The following MTHFS variants were observed in gnomAD, a reference collection of about 807,000 sequenced individuals.
The protein encoded by MTHFS is 5-formyltetrahydrofolate cyclo-ligase.
MTHFS carries 7 observed loss-of-function variants against 12.7 expected under a neutral mutation model. That is an observed-to-expected ratio of 0.55 (90% CI 0.31 to 1.03). The LOEUF (loss-of-function observed/expected upper bound fraction) is 1.03. Among genes scored for constraint, MTHFS ranks in the 50% least tolerant of loss-of-function variants. The pLI is 0.05. For synonymous variants in MTHFS, 100 were observed against 97.1 expected (o/e 1.03, Z -0.18); for missense variants, 252 against 258.1 (o/e 0.98, Z 0.16).
intron 1 of MTHFS, 126 bp downstream of exon 1, chr15:79,896,746 C>T (rs986915824): frequency 2.2e-6 from 3 of 1,394,158 alleles, no homozygotes; most frequent in Non-Finnish European, 2.8e-6. Context: ...GAAACGTGCG[C>T]GCGCCGGGGG....
At chr15:79,852,483 A>C (rs2033733097) in intron 2 of MTHFS, among the ~76,000 whole-genome samples, 2 of 152,202 alleles carry the variant, frequency 1.3e-5, no homozygotes, top group African/African-American at 2.4e-5. Context: ...CATTGTAAAC[A>C]TACCTTCACT....
intron 2 of MTHFS, among the ~76,000 whole-genome samples, chr15:79,854,305 A>G (rs1260026511): frequency 6.6e-6 from 1 of 152,238 alleles, no homozygotes; most frequent in Non-Finnish European, 1.5e-5. Flanking sequence ...TGTACCAACA[A>G]CTTGGCCTGA....
chr15:79,845,579 G>A, intron 2 of MTHFS, 137 bp from the exon 3 acceptor site: 1 of 1,231,646 alleles, frequency 8.1e-7, no homozygotes, highest in Non-Finnish European at 1.1e-6. Flanking sequence ...TATCCAAAAA[G>A]CACAGAGTTG....
intron 1 of MTHFS, among the ~76,000 whole-genome samples, chr15:79,893,923 A>G (rs535268790): frequency 6.6e-6 from 1 of 152,304 alleles, no homozygotes; most frequent in Non-Finnish European, 1.5e-5. Flanking sequence ...GTACAGTGCC[A>G]ATAAGAATAA....
intron 2 of MTHFS, among the ~76,000 whole-genome samples, chr15:79,885,210 T>C (rs1596080017): frequency 6.6e-6 from 1 of 152,234 alleles, no homozygotes; most frequent in East Asian, 1.9e-4. Context: ...TCAAAGACTC[T>C]GTCCTTGATG....
intron 2 of MTHFS, among the ~76,000 whole-genome samples, chr15:79,864,258 C>G (rs1027369112): frequency 6.6e-6 from 1 of 152,024 alleles, no homozygotes; most frequent in African/African-American, 2.4e-5. Flanking sequence ...ACAAAAAGTC[C>G]TTGGGGCCAG....
chr15:79,853,464 T>A (rs1163339452), intron 2 of MTHFS, among the ~76,000 whole-genome samples: 1 of 150,382 alleles, frequency 6.6e-6, no homozygotes, highest in Non-Finnish European at 1.5e-5. Flanking sequence ...CTTCTTCAGA[T>A]AAAAATAATG....
At chr15:79,849,144 T>A (rs1001207849) in intron 2 of MTHFS, among the ~76,000 whole-genome samples, 2 of 152,160 alleles carry the variant, frequency 1.3e-5, no homozygotes, top group Non-Finnish European at 2.9e-5. Flanking sequence ...ACATCGTACA[T>A]GCGGTGTTGT....
intron 2 of MTHFS, among the ~76,000 whole-genome samples, chr15:79,881,049 T>C (rs2034288171): frequency 1.3e-5 from 2 of 152,226 alleles, no homozygotes; most frequent in Non-Finnish European, 2.9e-5. Flanking sequence ...GAATTTATTT[T>C]TTCTAATTCC....
chr15:79,872,968 C>T (rs2141361807), intron 2 of MTHFS, among the ~76,000 whole-genome samples: 1 of 152,286 alleles, frequency 6.6e-6, no homozygotes, highest in East Asian at 1.9e-4. Context: ...CTTAGAGGCC[C>T]AGCCTAGCTG....
intron 2 of MTHFS, among the ~76,000 whole-genome samples, chr15:79,865,532 G>T (rs539891530): frequency 6.6e-6 from 1 of 152,196 alleles, no homozygotes; most frequent in Admixed American, 6.5e-5. Flanking sequence ...GCAGGTATAC[G>T]TATCGTAACG....
intron 2 of MTHFS, among the ~76,000 whole-genome samples, chr15:79,874,026 A>G (rs1404988342): frequency 6.6e-6 from 1 of 152,238 alleles, no homozygotes; most frequent in East Asian, 1.9e-4. Context: ...CAACTAGAGA[A>G]GTGCTAAAAC....
chr15:79,887,720 C>A (rs549457358), intron 2 of MTHFS, among the ~76,000 whole-genome samples: 4 of 152,336 alleles, frequency 2.6e-5, no homozygotes, highest in African/African-American at 9.6e-5. Flanking sequence ...CCCTTATTAT[C>A]TCATTGCCTT....
chr15:79,857,739 G>T (rs928136045), intron 2 of MTHFS, among the ~76,000 whole-genome samples: 1 of 152,058 alleles, frequency 6.6e-6, no homozygotes, highest in African/African-American at 2.4e-5. Context: ...CCCAAAATCC[G>T]GCTGGGCACA....
At chr15:79,866,735 G>C (rs2034018161) in intron 2 of MTHFS, among the ~76,000 whole-genome samples, 1 of 152,190 alleles carries the variant, frequency 6.6e-6, no homozygotes, top group South Asian at 2.1e-4. Context: ...TGGATCACCT[G>C]AGGTCAGGAG....
At chr15:79,851,855 T>C (rs17284990) in intron 2 of MTHFS, among the ~76,000 whole-genome samples, 27,983 of 152,128 alleles carry the variant, frequency 0.18, 3,046 homozygotes, top group South Asian at 0.26. Context: ...CCAAGCATCT[T>C]AGAGGTAGTA....
chr15:79,864,628 A>G (rs1448409032), intron 2 of MTHFS, among the ~76,000 whole-genome samples: 2 of 149,642 alleles, frequency 1.3e-5, no homozygotes, highest in Non-Finnish European at 3.0e-5. Context: ...AGACCTGTAC[A>G]CGCTTTCTGG....
At chr15:79,881,410 G>C (rs1439512370) in intron 2 of MTHFS, among the ~76,000 whole-genome samples, 2 of 152,122 alleles carry the variant, frequency 1.3e-5, no homozygotes, top group African/African-American at 4.8e-5. Flanking sequence ...ACCATTCTCT[G>C]AAATGAGGAT....
chr15:79,846,770 G>T (rs1247713669), intron 2 of MTHFS, among the ~76,000 whole-genome samples: 1 of 152,208 alleles, frequency 6.6e-6, no homozygotes, highest in Non-Finnish European at 1.5e-5. Context: ...ATTGACAGTG[G>T]ACTGTGAATT....
Sources: gnomAD v4.1 joint callset for allele counts (sites outside exome capture counted in the v4.1 genomes callset) on GRCh38, gnomAD v4.1.1 for gene constraint, MANE v1.5 for transcripts, NCBI Gene and HGNC (gene_info 2026-07-23, HGNC 2026-07-21) for gene names.